The following DPP10 variants were observed in gnomAD, a reference collection of about 807,000 sequenced individuals.
The protein encoded by DPP10 is dipeptidyl peptidase like 10.
In DPP10, 33 loss-of-function variants were observed where a neutral mutation model predicts 120.9. That is an observed-to-expected ratio of 0.27 (90% CI 0.21 to 0.37). DPP10 has a LOEUF of 0.37. Among genes scored for constraint, DPP10 ranks in the 10% least tolerant of loss-of-function variants. DPP10 has a pLI of 1.00. For synonymous variants in DPP10, 337 were observed against 326.1 expected (o/e 1.03, Z -0.36); for missense variants, 816 against 942.8 (o/e 0.87, Z 1.76).
intron 1 of DPP10, among the ~76,000 whole-genome samples, chr2:114,995,522 A>G (rs1345383828): frequency 1.3e-5 from 2 of 152,262 alleles, no homozygotes; most frequent in Admixed American, 6.5e-5. Flanking sequence ...TGAGAACTGC[A>G]TAACCTCTTT....
At chr2:114,455,319 C>T (rs56936020) in intron 1 of DPP10, among the ~76,000 whole-genome samples, 8,884 of 151,964 alleles carry the variant, frequency 0.058, 837 homozygotes, top group African/African-American at 0.2. Context: ...CCAAGGTGGA[C>T]GGGTTACCTG....
chr2:115,357,140 T>C (rs2106333635), intron 3 of DPP10, among the ~76,000 whole-genome samples: 1 of 152,344 alleles, frequency 6.6e-6, no homozygotes, highest in African/African-American at 2.4e-5. Context: ...TCTTTCTTTA[T>C]TAATTCTCTT....
At chr2:115,283,815 C>CT in intron 1 of DPP10, among the ~76,000 whole-genome samples, 1 of 151,988 alleles carries the variant, frequency 6.6e-6, no homozygotes, top group East Asian at 1.9e-4. Flanking sequence ...TTTACTGTAC[C>CT]TTTTTACATT....
chr2:114,795,831 C>T (rs1320715412), intron 1 of DPP10, among the ~76,000 whole-genome samples: 2 of 152,068 alleles, frequency 1.3e-5, no homozygotes, highest in African/African-American at 4.8e-5. Flanking sequence ...ATACACGAAT[C>T]TATTATAACA....
intron 3 of DPP10, among the ~76,000 whole-genome samples, chr2:115,402,885 G>GTGTATATATATATGTATATATA (rs2068194981): frequency 1.5e-5 from 2 of 137,348 alleles, no homozygotes; most frequent in Non-Finnish European, 3.1e-5. Flanking sequence ...ATGTGTGTGT[G>GTGTATATATATATGTATATATA]TGTGTGTATA....
At chr2:114,888,277 G>C (rs1692246084) in intron 1 of DPP10, among the ~76,000 whole-genome samples, 1 of 152,176 alleles carries the variant, frequency 6.6e-6, no homozygotes, top group African/African-American at 2.4e-5. Context: ...CCAGCACAGA[G>C]TAGAACGCAC....
At chr2:115,450,585 C>A (rs1275476392) in intron 3 of DPP10, among the ~76,000 whole-genome samples, 1 of 151,886 alleles carries the variant, frequency 6.6e-6, no homozygotes, top group Non-Finnish European at 1.5e-5. Context: ...ATTCCAAGAC[C>A]AGGATAGTCA....
intron 1 of DPP10, among the ~76,000 whole-genome samples, chr2:114,839,571 A>G (rs1402444660): frequency 1.3e-5 from 2 of 152,198 alleles, no homozygotes; most frequent in Non-Finnish European, 2.9e-5. Flanking sequence ...AAACATTTCT[A>G]CTTTGTGTCT....
At chr2:115,659,612 G>C (rs1000610209) in intron 5 of DPP10, among the ~76,000 whole-genome samples, 7 of 152,166 alleles carry the variant, frequency 4.6e-5, no homozygotes, top group Non-Finnish European at 1.0e-4. Flanking sequence ...CTATGAATTT[G>C]ATACTGAGTC....
chr2:115,528,532 A>G (rs1575101905), intron 5 of DPP10, among the ~76,000 whole-genome samples: 1 of 152,204 alleles, frequency 6.6e-6, no homozygotes, highest in East Asian at 1.9e-4. Flanking sequence ...TCCCGGATAC[A>G]TAAAAGTATT....
intron 4 of DPP10, among the ~76,000 whole-genome samples, chr2:115,507,762 A>T (rs1051104485): frequency 6.6e-6 from 1 of 152,130 alleles, no homozygotes; most frequent in African/African-American, 2.4e-5. Flanking sequence ...TTAAAAGTAC[A>T]CTCTGTCAAT....
intron 1 of DPP10, among the ~76,000 whole-genome samples, chr2:114,492,279 C>A (rs1299474811): frequency 6.6e-6 from 1 of 151,880 alleles, no homozygotes; most frequent in East Asian, 1.9e-4. Flanking sequence ...AATTTTATTC[C>A]CAAAGCTAAT....
rs191554715 is a variant in DPP10 at position 115,592,997 on chromosome 2, A to G, written c.441+67025A>G. 5.3e-5 allele frequency among the ~76,000 whole-genome samples: 8 copies of G among 152,336 alleles called. No homozygotes were observed. In the East Asian group the frequency reaches 1.5e-3, roughly 29 times the overall value. On this transcript the variant is annotated intron_variant, in intron 5 of 25. Transcript: ENST00000410059. ...TTGAAACTTAAAACAATTTTTACAC[A>G]TTAAAAGCCAAGCTGATTGCTTTGG...
intron 1 of DPP10, among the ~76,000 whole-genome samples, chr2:114,604,379 G>A (rs932574189): frequency 2.0e-5 from 3 of 152,020 alleles, no homozygotes; most frequent in African/African-American, 7.2e-5. Context: ...CATAGTCTTA[G>A]GGTGGGTTAC....
chr2:115,594,133 A>G, intron 5 of DPP10, among the ~76,000 whole-genome samples: 1 of 152,170 alleles, frequency 6.6e-6, no homozygotes, highest in East Asian at 1.9e-4. Context: ...GGCTCTATAA[A>G]ATCAATCTTA....
At chr2:114,692,442 A>G (rs181312104) in intron 1 of DPP10, among the ~76,000 whole-genome samples, 2 of 152,012 alleles carry the variant, frequency 1.3e-5, no homozygotes, top group Admixed American at 1.3e-4. Context: ...GCTGCTGTCT[A>G]AGAGACTGTT....
chr2:115,539,608 G>GA (rs780668272), intron 5 of DPP10, among the ~76,000 whole-genome samples: 13 of 151,700 alleles, frequency 8.6e-5, no homozygotes, highest in Non-Finnish European at 1.6e-4. Flanking sequence ...ATAAACACAG[G>GA]AAAAAAGAGA....
At chr2:114,882,315 A>T (rs762962768) in intron 1 of DPP10, among the ~76,000 whole-genome samples, 1 of 152,140 alleles carries the variant, frequency 6.6e-6, no homozygotes, top group Non-Finnish European at 1.5e-5. Context: ...ACCATAAAAC[A>T]CTACTCAGCC....
At chr2:115,242,268 C>A (rs925136285) in intron 1 of DPP10, among the ~76,000 whole-genome samples, 3 of 152,114 alleles carry the variant, frequency 2.0e-5, no homozygotes, top group African/African-American at 7.2e-5. Context: ...GTTTCTCATC[C>A]CTGAATTACT....
Sources: gnomAD v4.1 joint callset for allele counts (sites outside exome capture counted in the v4.1 genomes callset) on GRCh38, gnomAD v4.1.1 for gene constraint, MANE v1.5 for transcripts, NCBI Gene and HGNC (gene_info 2026-07-23, HGNC 2026-07-21) for gene names.